The following PRDM1 variants were observed in gnomAD, a reference collection of about 807,000 sequenced individuals.
The protein encoded by PRDM1 is PR domain zinc finger protein 1.
PRDM1 carries 13 observed loss-of-function variants against 62.8 expected under a neutral mutation model. The ratio of observed to expected loss-of-function variants is 0.21; its 90% CI spans 0.13 to 0.33. PRDM1 has a LOEUF of 0.33. Ranked by LOEUF, PRDM1 falls within the 10% of genes least tolerant of loss-of-function variation. PRDM1 has a pLI of 1.00. For missense variants in PRDM1, 895 were observed against 1,058.8 expected, an observed-to-expected ratio of 0.85 and a Z score of 2.15; for synonymous variants, 396 against 417.6, an observed-to-expected ratio of 0.95 and a Z score of 0.63.
At chr6:106,055,810 T>A (rs942094509) in intron 1 of PRDM1, among the ~76,000 whole-genome samples, 5 of 152,172 alleles carry the variant, frequency 3.3e-5, no homozygotes, top group Non-Finnish European at 7.4e-5. Context: ...GGTCCCCGAC[T>A]CTAGATTTTT....
intron 2 of PRDM1, among the ~76,000 whole-genome samples, chr6:106,094,431 C>G (rs771809681): frequency 3.3e-5 from 5 of 152,126 alleles, no homozygotes; most frequent in Non-Finnish European, 5.9e-5. Flanking sequence ...CTTCCTGATT[C>G]ACGGTTGGTG....
intron 2 of PRDM1, among the ~76,000 whole-genome samples, chr6:106,088,747 A>G (rs1037885647): frequency 6.6e-6 from 1 of 152,240 alleles, no homozygotes; most frequent in Admixed American, 6.5e-5. Flanking sequence ...GTGAACTTCA[A>G]GAAAGCTCTG....
chr6:106,078,884 C>T (rs1327678310), intron 1 of PRDM1, among the ~76,000 whole-genome samples: 4 of 151,820 alleles, frequency 2.6e-5, no homozygotes, highest in Admixed American at 6.6e-5. Context: ...AATAAAACAG[C>T]GTGAGGGCCT....
intron 1 of PRDM1, among the ~76,000 whole-genome samples, chr6:106,016,649 C>T (rs1215439614): frequency 5.9e-5 from 8 of 135,810 alleles, no homozygotes; most frequent in Admixed American, 7.6e-5. Context: ...TCTTTTCTCT[C>T]TTTTTTTTTT....
chr6:106,100,177 T>C (rs931549215), intron 4 of PRDM1: 2 of 152,270 alleles, frequency 1.3e-5, no homozygotes, highest in African/African-American at 4.8e-5. Context: ...CTTTTACTTC[T>C]TTTATTTGAT....
chr6:106,029,698 C>G (rs1029279620), intron 1 of PRDM1, among the ~76,000 whole-genome samples: 3 of 152,116 alleles, frequency 2.0e-5, no homozygotes, highest in East Asian at 3.9e-4. Flanking sequence ...CTCAACCTCT[C>G]CAGGCTCAGG....
upstream of PRDM1, among the ~76,000 whole-genome samples, chr6:105,992,717 A>T (rs1050292315): frequency 1.3e-5 from 2 of 152,192 alleles, no homozygotes; most frequent in Non-Finnish European, 2.9e-5. Flanking sequence ...GTTACCACCT[A>T]AACGCCATGT....
At chr6:106,030,535 A>G (rs1247403832) in intron 1 of PRDM1, among the ~76,000 whole-genome samples, 2 of 151,728 alleles carry the variant, frequency 1.3e-5, no homozygotes, top group Non-Finnish European at 2.9e-5. Flanking sequence ...AGTCTAATGT[A>G]TTATTCTTTA....
At chr6:106,012,176 TAC>T (rs1181457393) in intron 1 of PRDM1, among the ~76,000 whole-genome samples, 9 of 74,108 alleles carry the variant, frequency 1.2e-4, no homozygotes, top group South Asian at 5.1e-4. Flanking sequence ...CACACCACAC[TAC>T]ACACACACAC....
rs1402892405 is a variant in PRDM1, at chr6:106,108,554, T to C, written c.*1068T>C. On this transcript the variant is annotated 3_prime_UTR_variant, in exon 7 of 7. Transcript: ENST00000369096. ...TTTTTTTTTTTTTTAATGTCAAAAT[T>C]GCACAAACATGGTGCTCTACCAGGA... 2.7e-5 allele frequency: 6 copies of C among 224,056 alleles called. No homozygotes were observed. Among genetic ancestry groups the C allele is most frequent in the African/African-American group, 1.4e-4 (6 of 41,952 alleles). The allele number at this position is 224,056 out of a possible 1,614,324, so 13.9% of individuals were successfully genotyped here.
At chr6:106,063,714 G>A (rs938657035) in intron 1 of PRDM1, among the ~76,000 whole-genome samples, 2 of 152,208 alleles carry the variant, frequency 1.3e-5, no homozygotes, top group African/African-American at 4.8e-5. Flanking sequence ...AGATTAAAAA[G>A]ATGGGGCAAG....
At position 106,105,086 on chromosome 6, in the gene PRDM1, T is replaced by G; in HGVS notation, c.926T>G (p.Phe309Cys). The change falls in exon 5 of 7, where the codon TTT (phenylalanine) becomes TGT (cysteine). Residue 309 changes from phenylalanine (F) to cysteine (C), a missense_variant. By Grantham distance (205) the Phe-to-Cys change is radical. Transcript: ENST00000369096. ...ATCCGGGCCCCTCTGCCAGAAGACT[T>G]TTTGAAAGCTTCCCTGGCCTACGGG... is the stretch of plus-strand genomic sequence containing the variant. ...YPIRAPLPED[F>C]LKASLAYGIE... The G allele has an allele frequency of 6.2e-7, 1 of 1,614,062 alleles. No homozygotes were observed. The highest frequency in any genetic ancestry group is 8.5e-7 in the Non-Finnish European group (1 of 1,180,010).
Position 106,107,285 on chromosome 6 carries a change from T to C in PRDM1, c.2277T>C (p.Ile759=), listed in dbSNP as rs1774521239. 5 of 1,614,036 alleles carry C rather than the reference T, an allele frequency of 3.1e-6. No individual in the cohort carries two copies. The South Asian group carries it at 5.5e-5, about 18-fold the overall frequency. ...ISVISVVEKE[I]LAVVRKEKEE... Reference sequence around the variant, plus strand: ...TGATCTCTGTAGTGGAGAAGGAAATTCTGGCCGTGGTCAGAAAAGAGAAAG... The same window carrying C: ...TGATCTCTGTAGTGGAGAAGGAAATCCTGGCCGTGGTCAGAAAAGAGAAAG... The change falls in exon 7 of 7, where the codon ATT becomes ATC. Residue 759 remains isoleucine (I), a synonymous_variant. Coordinates refer to ENST00000369096, the MANE Select transcript of PRDM1 (RefSeq NM_001198.4).
In PRDM1 at chr6:106,109,678, TAGTG is replaced by T. The variant is rs1228320964; in HGVS notation, c.*2195_*2198del. On this transcript the variant is annotated 3_prime_UTR_variant, in exon 7 of 7. Transcript: ENST00000369096. ...CTTTTTCTCCTTTTGTGCTTTCCCA[TAGTG>T]AGAATTTTTATAAAGACTTCTTGCT... 1.7e-5 allele frequency: 4 copies of T among 233,268 alleles called. No individual in the cohort carries two copies. Among genetic ancestry groups the T allele is most frequent in the African/African-American group, 6.6e-5 (3 of 45,340 alleles). 14.4% of individuals were successfully genotyped at this position (233,268 alleles called of 1,614,324 possible). A position where few individuals can be genotyped will look rare whatever the true frequency, so the allele number is the denominator to read the frequency against.
rs987532891 is a variant in PRDM1 at position 106,105,451 on chromosome 6, A to G, written c.1291A>G (p.Met431Val). ...NCNGLSAVSS[M>V]NGINNFGLFP... ...TAATGGCCTGAGCGCTGTGAGCAGC[A>G]TGAATGGCATCAACAACTTTGGCCT... The change falls in exon 5 of 7, where the codon ATG becomes GTG. Residue 431 changes from methionine (M) to valine (V), a missense_variant. By Grantham distance (21) the Met-to-Val change is conservative. This residue lies in a region of PRDM1 where 444 missense variants were observed against 422.7 expected (regional missense o/e 1.05). Coordinates refer to ENST00000369096, the MANE Select transcript of PRDM1 (RefSeq NM_001198.4). 11 of 1,614,012 alleles carry G rather than the reference A, an allele frequency of 6.8e-6. No homozygotes were observed. Among genetic ancestry groups the G allele is most frequent in the East Asian group, 2.2e-5 (1 of 44,898 alleles).
chr6:106,027,389 T>C (rs1443355043), intron 1 of PRDM1, among the ~76,000 whole-genome samples: 4 of 152,258 alleles, frequency 2.6e-5, no homozygotes, highest in Admixed American at 2.6e-4. Context: ...GCTCTTCTTC[T>C]TTTGAGCATT....
At chr6:106,049,743 T>C (rs776011042) in intron 1 of PRDM1, among the ~76,000 whole-genome samples, 20 of 152,222 alleles carry the variant, frequency 1.3e-4, no homozygotes, top group Non-Finnish European at 1.9e-4. Context: ...TGGAAACTTG[T>C]GCCTTCTCCG....
intron 1 of PRDM1, among the ~76,000 whole-genome samples, chr6:106,050,285 G>C (rs891079459): frequency 6.6e-6 from 1 of 152,160 alleles, no homozygotes; most frequent in Non-Finnish European, 1.5e-5. Flanking sequence ...AAGATAAACA[G>C]TAGTGGTTCC....
chr6:106,096,695 A>G (rs1244623491), intron 3 of PRDM1, among the ~76,000 whole-genome samples: 1 of 152,206 alleles, frequency 6.6e-6, no homozygotes, highest in Non-Finnish European at 1.5e-5. Context: ...CCTTTGCTAT[A>G]TTAGGGTTAG....
Sources: gnomAD v4.1 joint callset for allele counts (sites outside exome capture counted in the v4.1 genomes callset) on GRCh38, gnomAD v4.1.1 for gene constraint, gnomAD v4.1.1 regional missense constraint, MANE v1.5 for transcripts, NCBI Gene and HGNC (gene_info 2026-07-23, HGNC 2026-07-21) for gene names.